Variants in DCAF8 observed in about 807,000 individuals in gnomAD.
DCAF8 encodes DDB1- and CUL4-associated factor 8.
In DCAF8, 20 loss-of-function variants were observed where a neutral mutation model predicts 68.0. The observed-to-expected ratio is 0.29, with a 90% CI of 0.21 to 0.43. The LOEUF is 0.43. Among genes scored for constraint, DCAF8 ranks in the 20% least tolerant of loss-of-function variants. The pLI, the probability that DCAF8 is intolerant of heterozygous loss-of-function variation, is 1.00. For synonymous variants in DCAF8, 230 were observed against 276.9 expected (o/e 0.83, Z 1.68); for missense variants, 460 against 771.0 (o/e 0.60, Z 4.78).
chr1:160,247,192 TGGA>T (rs1656374133), intron 2 of DCAF8, among the ~76,000 whole-genome samples: 2 of 152,182 alleles, frequency 1.3e-5, no homozygotes, highest in Non-Finnish European at 2.9e-5. Flanking sequence ...CCCAGGTAGT[TGGA>T]GGAGTTTAAT....
chr1:160,240,063 C>T lies in DCAF8; in HGVS notation c.357G>A (p.Gln119=). The change falls in exon 4 of 14, where the codon CAG becomes CAA. Residue 119 remains glutamine (Q), a synonymous_variant. Coordinates refer to ENST00000368074, the MANE Select transcript of DCAF8 (RefSeq NM_015726.4). ...CCTGGTCACGGTTAGCCCGCTTGCG[C>T]TGTACACGGCGCCGAGGCTGCTCTT... ...EEEEQPRRRV[Q]RKRANRDQDS... 2 of 1,614,244 alleles carry T rather than the reference C, an allele frequency of 1.2e-6. No individual in the cohort carries two copies. Among genetic ancestry groups the T allele is most frequent in the Non-Finnish European group, 1.7e-6 (2 of 1,180,046 alleles).
At position 160,234,162 on chromosome 1, in the gene DCAF8, A is replaced by C. The variant is rs565602296; in HGVS notation, c.960-2755T>G. 7.9e-5 allele frequency among the ~76,000 whole-genome samples: 12 copies of C among 151,484 alleles called. No homozygotes were observed. The South Asian group carries it at 1.9e-3, about 24-fold the overall frequency. On this transcript the variant is annotated intron_variant, in intron 6 of 13. Coordinates refer to ENST00000368074, the MANE Select transcript of DCAF8 (RefSeq NM_015726.4). ...ATATATACAAAAGAAAATCCCCCTTATGCCAACTTCACACAAAAATGCCTC... is the reference window on the plus strand; with the variant it reads ...ATATATACAAAAGAAAATCCCCCTTCTGCCAACTTCACACAAAAATGCCTC...
chr1:160,240,415 A>T lies in DCAF8; in HGVS notation c.50-45T>A. On this transcript the variant is annotated intron_variant, in intron 3 of 13. Transcript: ENST00000368074. ...GAGTAGAGGAGAGGGAAAAATAAGA[A>T]AACAGGATAGTGACCACCTTAGTCT... is the stretch of plus-strand genomic sequence containing the variant. 2.0e-6 allele frequency: 3 copies of T among 1,526,452 alleles called. No homozygotes were observed. In the South Asian group the frequency reaches 3.7e-5, roughly 19 times the overall value. 94.6% of individuals were successfully genotyped at this position (1,526,452 alleles called of 1,614,324 possible).
rs1294661529 is a variant in DCAF8 at position 160,232,944 on chromosome 1, G to A, written c.960-1537C>T. Among the ~76,000 whole-genome samples the A allele has an allele frequency of 3.9e-5, 6 of 152,212 alleles. No homozygotes were observed. The East Asian group carries it at 1.2e-3, about 29-fold the overall frequency. On this transcript the variant is annotated intron_variant, in intron 6 of 13. Transcript: ENST00000368074. ...ATTTGTTCCAGGTTAAGGGTGGCAT[G>A]AGGAATATTCTTCTCAGATCTAAGC...
intron 2 of DCAF8, among the ~76,000 whole-genome samples, chr1:160,248,550 A>G (rs901643055): frequency 6.6e-6 from 1 of 151,890 alleles, no homozygotes; most frequent in African/African-American, 2.4e-5. Context: ...CTTGGCCAAC[A>G]TAGTGAAACC....
At chr1:160,219,694 G>C (rs1490151666) in intron 11 of DCAF8, 1 of 152,246 alleles carries the variant, frequency 6.6e-6, no homozygotes, top group East Asian at 1.9e-4. Flanking sequence ...ACTGAACAAG[G>C]CAAAAGAAAT....
At position 160,250,413 on chromosome 1, in the gene DCAF8, C is replaced by A. The variant is rs1037805588; in HGVS notation, c.-26-6379G>T. 2.1e-5 allele frequency among the ~76,000 whole-genome samples: 3 copies of A among 143,784 alleles called. 1 individual carries two copies. The highest frequency in any genetic ancestry group is 4.5e-5 in the Non-Finnish European group (3 of 67,142). The allele number at this position is 143,784 out of a possible 152,430, so 94.3% of individuals were successfully genotyped here. A position where few individuals can be genotyped will look rare whatever the true frequency, so the allele number is the denominator to read the frequency against. On this transcript the variant is annotated intron_variant, in intron 2 of 13. Coordinates refer to ENST00000368074, the MANE Select transcript of DCAF8 (RefSeq NM_015726.4). ...CCTGGAAGGCGGAGGTTGCGGTGAG[C>A]CAAGATCGCACCATTGCACTCCAGC... is the stretch of plus-strand genomic sequence containing the variant.
At chr1:160,228,610 CTTTT>C (rs59684865) in intron 7 of DCAF8, among the ~76,000 whole-genome samples, 1 of 141,048 alleles carries the variant, frequency 7.1e-6, no homozygotes, top group Non-Finnish European at 1.5e-5. Flanking sequence ...CTCTACTTAC[CTTTT>C]TTTTTTTTTT....
At chr1:160,252,129 C>T (rs538723634) in intron 2 of DCAF8, among the ~76,000 whole-genome samples, 1 of 152,250 alleles carries the variant, frequency 6.6e-6, no homozygotes, top group African/African-American at 2.4e-5. Context: ...CACCCAGTGG[C>T]CTATGTGTAA....
At chr1:160,247,576 A>G (rs893846436) in intron 2 of DCAF8, among the ~76,000 whole-genome samples, 1 of 152,202 alleles carries the variant, frequency 6.6e-6, no homozygotes, top group Admixed American at 6.5e-5. Flanking sequence ...CTTACCCAAA[A>G]TGCTTGGGGC....
intron 2 of DCAF8, among the ~76,000 whole-genome samples, chr1:160,254,183 A>G (rs6687974): frequency 0.64 from 97,912 of 151,940 alleles, 33,042 homozygotes; most frequent in African/African-American, 0.86. Flanking sequence ...TAAGCTAGGT[A>G]TGGTGGTGCA....
intron 12 of DCAF8, 33 bp from the exon 13 acceptor site, chr1:160,218,473 G>A (rs199822097): frequency 2.0e-6 from 3 of 1,519,934 alleles, no homozygotes; most frequent in Non-Finnish European, 2.7e-6. Context: ...AGAGGGGGCA[G>A]CAATGAAGAG....
chr1:160,246,061 C>T (rs1317311840), intron 2 of DCAF8, among the ~76,000 whole-genome samples: 2 of 152,008 alleles, frequency 1.3e-5, no homozygotes, highest in Non-Finnish European at 2.9e-5. Context: ...TTGCTTGAAC[C>T]TGGGAGGCGG....
rs748358744 is a variant in DCAF8 at position 160,222,735 on chromosome 1, G to A, written c.1356C>T (p.Ser452=). The A allele has an allele frequency of 1.9e-5, 30 of 1,613,970 alleles. No individual in the cohort carries two copies. Among genetic ancestry groups the A allele is most frequent in the South Asian group, 1.1e-5 (1 of 91,082 alleles). The change falls in exon 11 of 14, where the codon AGC becomes AGT. Residue 452 remains serine, a synonymous_variant. Transcript: ENST00000368074. ...FYGPKSEFVV[S]GSDCGHIFLW... ...GGAAGATGTGCCCACAGTCACTACC[G>A]CTCACCACAAACTCACTCTTGGGGC...
chr1:160,253,558 G>C (rs1389777019), intron 2 of DCAF8, among the ~76,000 whole-genome samples: 6 of 137,900 alleles, frequency 4.4e-5, no homozygotes, highest in Non-Finnish European at 1.5e-5. Flanking sequence ...TGAGGCAGGA[G>C]AATCACTTGA....
chr1:160,262,209 C>T (rs1442779918), intron 1 of DCAF8: 1 of 397,440 alleles, frequency 2.5e-6, no homozygotes, highest in Non-Finnish European at 4.4e-6. Flanking sequence ...CGGGTCAGGC[C>T]CATCCTTAGG....
chr1:160,254,744 C>T (rs888051957), intron 2 of DCAF8, among the ~76,000 whole-genome samples: 4 of 151,764 alleles, frequency 2.6e-5, no homozygotes, highest in Admixed American at 2.6e-4. Flanking sequence ...TGAGCCAAGT[C>T]ATGCCACTGC....
intron 10 of DCAF8, 57 bp downstream of exon 10, chr1:160,224,385 T>C (rs1273263336): frequency 3.8e-6 from 5 of 1,302,438 alleles, no homozygotes; most frequent in Middle Eastern, 1.9e-4. Flanking sequence ...AGTAAGACAC[T>C]GTGGTTCTCC....
At chr1:160,225,714 G>A (rs1184434794) in intron 7 of DCAF8, 51 bp from the exon 8 acceptor site, 7 of 1,466,100 alleles carry the variant, frequency 4.8e-6, no homozygotes, top group Non-Finnish European at 6.6e-6. Flanking sequence ...CGAAACCCTT[G>A]AAGAGCTGCA....
Sources: gnomAD v4.1 joint callset for allele counts (sites outside exome capture counted in the v4.1 genomes callset) on GRCh38, gnomAD v4.1.1 for gene constraint, MANE v1.5 for transcripts, NCBI Gene and HGNC (gene_info 2026-07-23, HGNC 2026-07-21) for gene names.